SEMA6D: variants seen among roughly 807,000 people sequenced by gnomAD.
SEMA6D encodes the protein semaphorin-6D.
Under a neutral mutation model 106.6 loss-of-function variants are expected in SEMA6D, and 35 were observed. The ratio of observed to expected loss-of-function variants is 0.33; its 90% CI spans 0.25 to 0.44. SEMA6D has a LOEUF of 0.44. Ranked by LOEUF, SEMA6D falls within the 20% of genes least tolerant of loss-of-function variation. The pLI, the probability that SEMA6D is intolerant of heterozygous loss-of-function variation, is 1.00. For missense variants in SEMA6D, 1,185 were observed against 1,345.9 expected (o/e 0.88, Z 1.87); for synonymous variants, 499 against 487.7 (o/e 1.02, Z -0.31).
At chr15:47,522,470 C>G (rs2044617082) in intron 3 of SEMA6D, among the ~76,000 whole-genome samples, 1 of 152,134 alleles carries the variant, frequency 6.6e-6, no homozygotes, top group Non-Finnish European at 1.5e-5. Context: ...CATTTACACT[C>G]TATCTGGAAG....
chr15:47,576,046 C>T (rs774208747), intron 3 of SEMA6D, among the ~76,000 whole-genome samples: 2 of 152,162 alleles, frequency 1.3e-5, no homozygotes, highest in Non-Finnish European at 2.9e-5. Context: ...CAAAACGACT[C>T]ACAATGATAT....
intron 1 of SEMA6D, among the ~76,000 whole-genome samples, chr15:47,388,105 T>C (rs1167778733): frequency 6.6e-6 from 1 of 152,134 alleles, no homozygotes; most frequent in Non-Finnish European, 1.5e-5. Context: ...CAGGCACCAT[T>C]TCCTGATCAA....
chr15:47,642,300 G>A (rs963312141), intron 4 of SEMA6D, among the ~76,000 whole-genome samples: 132 of 152,296 alleles, frequency 8.7e-4, no homozygotes, highest in African/African-American at 3.1e-3. Context: ...CATTAGTTCA[G>A]CCCTTTGCTT....
chr15:47,680,702 T>A (rs1022616428), intron 4 of SEMA6D, among the ~76,000 whole-genome samples: 1 of 152,006 alleles, frequency 6.6e-6, no homozygotes, highest in African/African-American at 2.4e-5. Context: ...TGAAAAGGGG[T>A]TAGTATCCAA....
intron 1 of SEMA6D, among the ~76,000 whole-genome samples, chr15:47,354,213 A>C (rs1022029325): frequency 1.4e-5 from 2 of 146,658 alleles, no homozygotes; most frequent in African/African-American, 5.0e-5. Context: ...ATATATATAT[A>C]TATATATATA....
At chr15:47,388,993 G>A (rs1426332893) in intron 1 of SEMA6D, among the ~76,000 whole-genome samples, 1 of 151,310 alleles carries the variant, frequency 6.6e-6, no homozygotes, top group Non-Finnish European at 1.5e-5. Context: ...GTAAGCATAA[G>A]GATTATTTGG....
chr15:47,282,686 A>G (rs2035181179), intron 1 of SEMA6D, among the ~76,000 whole-genome samples: 2 of 152,152 alleles, frequency 1.3e-5, no homozygotes, highest in Admixed American at 6.5e-5. Flanking sequence ...ACAGAAGGTG[A>G]TAGCACATTT....
intron 1 of SEMA6D, among the ~76,000 whole-genome samples, chr15:47,372,051 A>G (rs1461369157): frequency 6.6e-6 from 1 of 152,222 alleles, no homozygotes; most frequent in African/African-American, 2.4e-5. Flanking sequence ...ACTACAATGT[A>G]GTGTATTTGC....
intron 1 of SEMA6D, among the ~76,000 whole-genome samples, chr15:47,188,284 C>G (rs1893709906): frequency 6.6e-6 from 1 of 152,124 alleles, no homozygotes; most frequent in Admixed American, 6.5e-5. Flanking sequence ...CATTTAAATA[C>G]TAAATTTAGT....
At chr15:47,541,484 C>G (rs538963199) in intron 3 of SEMA6D, among the ~76,000 whole-genome samples, 32 of 152,218 alleles carry the variant, frequency 2.1e-4, no homozygotes, top group Non-Finnish European at 4.3e-4. Flanking sequence ...TTTGTGTGGA[C>G]TCAGCCAAAA....
At chr15:47,732,660 A>G (rs372355339) in intron 1 of SEMA6D, among the ~76,000 whole-genome samples, 57 of 152,332 alleles carry the variant, frequency 3.7e-4, no homozygotes, top group African/African-American at 1.2e-3. Flanking sequence ...TTACCTACAC[A>G]TAGTGTACAT....
At chr15:47,507,757 C>T (rs1270344501) in intron 3 of SEMA6D, among the ~76,000 whole-genome samples, 1 of 152,154 alleles carries the variant, frequency 6.6e-6, no homozygotes, top group Non-Finnish European at 1.5e-5. Context: ...ACCAGGCATA[C>T]GTACATTTAG....
In SEMA6D at chr15:47,539,037, CTG is replaced by C. The variant is rs559793670; in HGVS notation, c.-86-61825_-86-61824del. On this transcript the variant is annotated intron_variant, in intron 3 of 19. Transcript: ENST00000558014. ...CCTCTTCTTATTGAGAATGTTCACA[CTG>C]TGACTTAAGCTTCAGGGAAATTGAT... 1.7e-3 allele frequency among the ~76,000 whole-genome samples: 257 copies of C among 152,332 alleles called. 9 individuals are homozygous for C. In the South Asian group the frequency reaches 0.05, roughly 30 times the overall value.
intron 4 of SEMA6D, among the ~76,000 whole-genome samples, chr15:47,649,310 A>C (rs2077640135): frequency 6.6e-6 from 1 of 152,216 alleles, no homozygotes; most frequent in Non-Finnish European, 1.5e-5. Flanking sequence ...TGTCTGACAC[A>C]AATGTCACCG....
intron 4 of SEMA6D, among the ~76,000 whole-genome samples, chr15:47,659,854 T>A (rs991223598): frequency 5.3e-5 from 8 of 152,094 alleles, no homozygotes; most frequent in African/African-American, 1.7e-4. Flanking sequence ...ACCCACAAAT[T>A]AGAAAAGTTT....
chr15:47,385,647 C>A (rs1208386738), intron 1 of SEMA6D, among the ~76,000 whole-genome samples: 1 of 151,880 alleles, frequency 6.6e-6, no homozygotes, highest in East Asian at 1.9e-4. Context: ...AAGAAAAAGA[C>A]TCATGTACAT....
At chr15:47,476,844 TG>T (rs1360375478) in intron 3 of SEMA6D, among the ~76,000 whole-genome samples, 1 of 152,190 alleles carries the variant, frequency 6.6e-6, no homozygotes, top group Non-Finnish European at 1.5e-5. Context: ...CCTCCTTTTC[TG>T]AGAGCCCTTG....
intron 1 of SEMA6D, among the ~76,000 whole-genome samples, chr15:47,349,580 G>A (rs2038227674): frequency 6.6e-6 from 1 of 152,156 alleles, no homozygotes; most frequent in South Asian, 2.1e-4. Context: ...TTCATAGCCA[G>A]TATTGTGTGG....
chr15:47,761,875 G>T, intron 7 of SEMA6D, 124 bp downstream of exon 7: 1 of 831,248 alleles, frequency 1.2e-6, no homozygotes, highest in South Asian at 1.8e-5. Context: ...CGAAAGGCTA[G>T]AATCTATGCA....
Sources: gnomAD v4.1 joint callset for allele counts (sites outside exome capture counted in the v4.1 genomes callset) on GRCh38, gnomAD v4.1.1 for gene constraint, MANE v1.5 for transcripts, NCBI Gene and HGNC (gene_info 2026-07-23, HGNC 2026-07-21) for gene names.